CNTNAP5: variants seen among roughly 807,000 people sequenced by gnomAD.
CNTNAP5 encodes the protein contactin associated protein family member 5, also known as contactin-associated protein-like 5.
A neutral mutation model predicts 150.2 loss-of-function variants in CNTNAP5; 72 were observed. The observed-to-expected ratio is 0.48, with a 90% CI of 0.40 to 0.58. CNTNAP5 has a LOEUF of 0.58. CNTNAP5 is among the 20% of genes least tolerant of loss of function. The pLI is 0.00. For missense variants in CNTNAP5, 1,636 were observed against 1,626.2 expected (o/e 1.01, Z -0.10); for synonymous variants, 672 against 619.8 (o/e 1.08, Z -1.25).
chr2:124,617,691 A>C (rs1203687726), intron 12 of CNTNAP5, among the ~76,000 whole-genome samples: 2 of 152,142 alleles, frequency 1.3e-5, no homozygotes, highest in African/African-American at 4.8e-5. Flanking sequence ...GGACTTCAAT[A>C]TATTATCTTT....
chr2:124,195,851 A>T (rs1049763645), intron 1 of CNTNAP5, among the ~76,000 whole-genome samples: 1 of 152,036 alleles, frequency 6.6e-6, no homozygotes, highest in Non-Finnish European at 1.5e-5. Context: ...CACACAAGCT[A>T]TGGTTTCGGA....
chr2:124,052,909 T>G (rs28437040), intron 1 of CNTNAP5, among the ~76,000 whole-genome samples: 18,948 of 152,154 alleles, frequency 0.12, 1,247 homozygotes, highest in South Asian at 0.23. Flanking sequence ...TTTCTCTGCT[T>G]AGCCCAGTAT....
intron 7 of CNTNAP5, among the ~76,000 whole-genome samples, chr2:124,481,790 G>A (rs1376781209): frequency 6.6e-6 from 1 of 152,090 alleles, no homozygotes; most frequent in African/African-American, 2.4e-5. Context: ...TAAAATTTGA[G>A]TTGTTTGAAT....
intron 12 of CNTNAP5, among the ~76,000 whole-genome samples, chr2:124,620,745 G>GCACACA (rs3039903): frequency 1.5e-3 from 153 of 103,714 alleles, no homozygotes; most frequent in African/African-American, 3.7e-3. Flanking sequence ...ACACACACAT[G>GCACACA]CACACACACA....
intron 5 of CNTNAP5, among the ~76,000 whole-genome samples, chr2:124,444,855 G>A (rs1573998895): frequency 6.6e-6 from 1 of 152,166 alleles, no homozygotes; most frequent in East Asian, 1.9e-4. Flanking sequence ...TCAGGTTTCA[G>A]CCTGTCCCTG....
At chr2:124,295,583 G>A (rs181875086) in intron 3 of CNTNAP5, among the ~76,000 whole-genome samples, 371 of 152,268 alleles carry the variant, frequency 2.4e-3, no homozygotes, top group Middle Eastern at 0.017. Flanking sequence ...GTTTCTGTGT[G>A]ATACAAATGA....
chr2:124,563,989 A>AG (rs1695951782), intron 11 of CNTNAP5, among the ~76,000 whole-genome samples: 1 of 152,236 alleles, frequency 6.6e-6, no homozygotes, highest in African/African-American at 2.4e-5. Context: ...GTGGAATGGG[A>AG]GAAAACAGAA....
At position 124,446,768 on chromosome 2, in the gene CNTNAP5, G is replaced by A. The variant is rs201842772; in HGVS notation, c.749G>A (p.Arg250Gln). ...CTCTTCACAGGTGACAGCAAAGCGCGGCTCAGCAGCAGCTTGCCCTCTGCC... is the reference window on the plus strand; with the variant it reads ...CTCTTCACAGGTGACAGCAAAGCGCAGCTCAGCAGCAGCTTGCCCTCTGCC... ...LHLNLGDSKA[R>Q]LSSSLPSATL... The change falls in exon 6 of 24, where the codon CGG becomes CAG. Residue 250 changes from arginine (R) to glutamine (Q), a missense_variant. Coordinates refer to ENST00000682447, the MANE Select transcript of CNTNAP5 (RefSeq NM_001367498.1). The A allele has an allele frequency of 1.1e-4, 172 of 1,613,594 alleles. 1 individual carries two copies. In the East Asian group the frequency reaches 3.3e-3, roughly 31 times the overall value.
intron 10 of CNTNAP5, among the ~76,000 whole-genome samples, chr2:124,546,736 T>G (rs1006102065): frequency 2.6e-5 from 4 of 152,234 alleles, no homozygotes; most frequent in African/African-American, 9.6e-5. Flanking sequence ...TAACTTCTTC[T>G]GCCTCTTTTT....
In CNTNAP5 at chr2:124,711,687, A is replaced by AACAT. The variant is rs200138211; in HGVS notation, c.2078-35541_2078-35540insCATA. ...CTAAAAACAAACAAACAAACAAACA[A>AACAT]AAAATTAGCCAGGCAGGGTGGCACG... On this transcript the variant is annotated intron_variant, in intron 13 of 23. Coordinates refer to ENST00000682447, the MANE Select transcript of CNTNAP5 (RefSeq NM_001367498.1). Among the ~76,000 whole-genome samples the AACAT allele has an allele frequency of 5.0e-3, 753 of 152,068 alleles. 3 individuals are homozygous for AACAT. Among genetic ancestry groups the AACAT allele is most frequent in the Non-Finnish European group, 7.7e-3 (526 of 67,976 alleles).
rs111385792 is a variant in CNTNAP5, at chr2:124,747,395, A to C, written c.2234+10A>C. The C allele has an allele frequency of 2.9e-3, 4,665 of 1,613,566 alleles. 8 individuals are homozygous for C. The highest frequency in any genetic ancestry group is 3.3e-3 in the Non-Finnish European group (3,944 of 1,179,588). ...CTGACAAGGATGAATGGTAATGAGA[A>C]TCTCCATCTTTCTGCAATTGTAGAG... On this transcript the variant is annotated intron_variant, in intron 14 of 23. Coordinates refer to ENST00000682447, the MANE Select transcript of CNTNAP5 (RefSeq NM_001367498.1).
intron 12 of CNTNAP5, among the ~76,000 whole-genome samples, chr2:124,633,789 C>T (rs1472382725): frequency 6.6e-6 from 1 of 152,198 alleles, no homozygotes; most frequent in African/African-American, 2.4e-5. Flanking sequence ...TGGAGTCTCC[C>T]AAGCCTCAAT....
chr2:124,553,793 G>A (rs556805177), intron 10 of CNTNAP5, among the ~76,000 whole-genome samples: 3 of 152,118 alleles, frequency 2.0e-5, no homozygotes, highest in African/African-American at 7.2e-5. Context: ...ACAGAGGAAG[G>A]GAAACTAGAG....
At chr2:124,827,024 G>A (rs1004783647) in intron 19 of CNTNAP5, among the ~76,000 whole-genome samples, 12 of 152,028 alleles carry the variant, frequency 7.9e-5, no homozygotes, top group South Asian at 2.1e-4. Flanking sequence ...AAGCCCAAGC[G>A]ATCCTTCCAT....
At chr2:124,318,215 G>A (rs759911848) in intron 3 of CNTNAP5, among the ~76,000 whole-genome samples, 13 of 152,188 alleles carry the variant, frequency 8.5e-5, no homozygotes, top group South Asian at 2.1e-4. Context: ...ATCACAGGGC[G>A]AAGCAAACAG....
chr2:124,284,861 T>G (rs1688106935), intron 3 of CNTNAP5, among the ~76,000 whole-genome samples: 3 of 151,802 alleles, frequency 2.0e-5, no homozygotes, highest in Non-Finnish European at 4.4e-5. Context: ...AACACATGAG[T>G]CAGTGGGGAA....
At chr2:124,385,623 A>G (rs542439551) in intron 3 of CNTNAP5, among the ~76,000 whole-genome samples, 2 of 152,348 alleles carry the variant, frequency 1.3e-5, no homozygotes, top group East Asian at 3.9e-4. Flanking sequence ...TTTTTTGGAT[A>G]AATGAATCTG....
At chr2:124,852,697 G>T (rs944384064) in intron 19 of CNTNAP5, among the ~76,000 whole-genome samples, 10 of 152,276 alleles carry the variant, frequency 6.6e-5, no homozygotes, top group Non-Finnish European at 1.0e-4. Context: ...GAATCTGGGA[G>T]ACAAGTTCAG....
At chr2:124,340,691 G>A (rs1689587664) in intron 3 of CNTNAP5, among the ~76,000 whole-genome samples, 1 of 151,562 alleles carries the variant, frequency 6.6e-6, no homozygotes, top group African/African-American at 2.4e-5. Context: ...GCCTGAGATG[G>A]GACGACCCCT....
Sources: gnomAD v4.1 joint callset for allele counts (sites outside exome capture counted in the v4.1 genomes callset) on GRCh38, gnomAD v4.1.1 for gene constraint, MANE v1.5 for transcripts, NCBI Gene and HGNC (gene_info 2026-07-23, HGNC 2026-07-21) for gene names.